MORC1: variants seen among roughly 807,000 people sequenced by gnomAD.
The protein encoded by MORC1 is MORC family CW-type zinc finger 1, also known as MORC family CW-type zinc finger protein 1.
In MORC1, 59 loss-of-function variants were observed where a neutral mutation model predicts 134.9. The observed-to-expected ratio is 0.44, with a 90% CI of 0.35 to 0.54. The LOEUF is 0.54. MORC1 is among the 20% of genes least tolerant of loss of function. The probability of loss-of-function intolerance (pLI) is 0.00; values close to 1 mark genes in which losing one functional copy is unlikely to be tolerated. For synonymous variants in MORC1, 395 were observed against 391.7 expected (o/e 1.01, Z -0.10); for missense variants, 947 against 1,134.5 (o/e 0.83, Z 2.37).
intron 8 of MORC1, among the ~76,000 whole-genome samples, chr3:109,070,405 T>C (rs1163699737): frequency 6.6e-6 from 1 of 152,192 alleles, no homozygotes; most frequent in African/African-American, 2.4e-5. Flanking sequence ...AAAACTACCC[T>C]TGTAAAGCTG....
chr3:109,043,888 T>C (rs1340870437), intron 14 of MORC1, among the ~76,000 whole-genome samples: 1 of 152,204 alleles, frequency 6.6e-6, no homozygotes, highest in Non-Finnish European at 1.5e-5. Flanking sequence ...TCTATCCACC[T>C]ATAAAAAGAG....
At chr3:109,022,965 T>C (rs989017689) in intron 17 of MORC1, among the ~76,000 whole-genome samples, 7 of 152,120 alleles carry the variant, frequency 4.6e-5, no homozygotes, top group Non-Finnish European at 1.0e-4. Flanking sequence ...AAGTAAAACA[T>C]GCTCTAAGAA....
At chr3:109,015,087 C>T (rs1948785700) in intron 17 of MORC1, among the ~76,000 whole-genome samples, 1 of 152,062 alleles carries the variant, frequency 6.6e-6, no homozygotes, top group South Asian at 2.1e-4. Flanking sequence ...GGGGTTTCAC[C>T]ATGTTAGCCA....
chr3:109,102,908 G>A (rs1045062729), intron 4 of MORC1, among the ~76,000 whole-genome samples: 5 of 152,090 alleles, frequency 3.3e-5, no homozygotes, highest in African/African-American at 1.2e-4. Flanking sequence ...AAATGACCTG[G>A]AAAAATCAAA....
chr3:109,027,858 G>A lies in MORC1; in HGVS notation c.1597C>T (p.Pro533Ser). 3 of 1,613,512 alleles carry A rather than the reference G, an allele frequency of 1.9e-6. No individual in the cohort carries two copies. Among genetic ancestry groups the A allele is most frequent in the Non-Finnish European group, 2.5e-6 (3 of 1,179,744 alleles). Reference sequence around the variant, plus strand: ...GATATTGTGCTCATGGTGCCCAGTGGGATGGAAGGTAGACATTCTACCTGA... The same window carrying A: ...GATATTGTGCTCATGGTGCCCAGTGAGATGGAAGGTAGACATTCTACCTGA... ...CHQVECLPSIPLGTMSTISPS... is the reference protein window; with the variant it reads ...CHQVECLPSISLGTMSTISPS... Residue 533 changes from proline (P) to serine (S), a missense_variant, in exon 17 of 28, where the codon CCA (proline) becomes TCA (serine). Physicochemically the swap from Pro to Ser is moderately conservative, Grantham distance 74 (BLOSUM62 -1). Transcript: ENST00000232603.
chr3:109,116,702 C>T (rs1031092279), intron 1 of MORC1, among the ~76,000 whole-genome samples: 1 of 152,266 alleles, frequency 6.6e-6, no homozygotes, highest in Admixed American at 6.5e-5. Flanking sequence ...ATCACTTGAG[C>T]CCTGGAGTTC....
At chr3:108,992,518 A>C (rs1948092371) in intron 21 of MORC1, among the ~76,000 whole-genome samples, 1 of 152,198 alleles carries the variant, frequency 6.6e-6, no homozygotes, top group Admixed American at 6.5e-5. Context: ...TGGACCCTAC[A>C]GCAGCCTTGG....
At chr3:108,976,719 T>C (rs534475532) in intron 24 of MORC1, among the ~76,000 whole-genome samples, 1 of 152,354 alleles carries the variant, frequency 6.6e-6, no homozygotes, top group South Asian at 2.1e-4. Context: ...TGGTACAGAA[T>C]AGAGCTGATA....
Position 108,970,777 on chromosome 3 carries a change from T to C in MORC1, c.2550+553A>G, listed in dbSNP as rs1445389702. Among the ~76,000 whole-genome samples the C allele has an allele frequency of 5.9e-5, 9 of 152,184 alleles. No individual in the cohort carries two copies. The East Asian group carries it at 9.6e-4, about 16-fold the overall frequency. On this transcript the variant is annotated intron_variant, in intron 25 of 27. Coordinates refer to ENST00000232603, the MANE Select transcript of MORC1 (RefSeq NM_014429.4). ...CTTCACCACAGCCCTGCGGGAGCCC[T>C]TTGTAGACTACTCACTGTTACTTAA...
intron 21 of MORC1, among the ~76,000 whole-genome samples, 195 bp downstream of exon 21, chr3:109,000,362 G>GT (rs1166944643): frequency 6.6e-6 from 1 of 152,146 alleles, no homozygotes; most frequent in African/African-American, 2.4e-5. Flanking sequence ...GTGGAGATGT[G>GT]TAAGTTCCAG....
At chr3:109,019,513 CCCCTATT>C (rs1948905309) in intron 17 of MORC1, among the ~76,000 whole-genome samples, 1 of 149,918 alleles carries the variant, frequency 6.7e-6, no homozygotes, top group Non-Finnish European at 1.5e-5. Flanking sequence ...TTCAGATCTA[CCCCTATT>C]CTTACATTGT....
chr3:108,987,806 G>A (rs1232604218), intron 21 of MORC1, among the ~76,000 whole-genome samples: 1 of 151,878 alleles, frequency 6.6e-6, no homozygotes, highest in Non-Finnish European at 1.5e-5. Flanking sequence ...TTATGCCTGC[G>A]GGGAAAGACA....
chr3:109,083,874 G>A (rs1045030677), intron 8 of MORC1, among the ~76,000 whole-genome samples: 24 of 152,024 alleles, frequency 1.6e-4, no homozygotes, highest in African/African-American at 3.4e-4. Flanking sequence ...ATAAATAAAC[G>A]TGAAACATCA....
intron 16 of MORC1, among the ~76,000 whole-genome samples, chr3:109,032,076 C>T (rs1315059142): frequency 6.6e-6 from 1 of 151,986 alleles, no homozygotes; most frequent in African/African-American, 2.4e-5. Flanking sequence ...GGAGTTATTA[C>T]CCTAATGTCT....
At chr3:108,979,126 G>A (rs948889570) in intron 24 of MORC1, among the ~76,000 whole-genome samples, 2 of 151,910 alleles carry the variant, frequency 1.3e-5, no homozygotes, top group Admixed American at 6.6e-5. Flanking sequence ...AACAAAACAA[G>A]TAAAACTCAA....
In MORC1 at chr3:108,958,342, T is replaced by C. The variant is rs957113708; in HGVS notation, c.*623A>G. 1.3e-5 allele frequency: 2 copies of C among 152,042 alleles called. No individual in the cohort carries two copies. The highest frequency in any genetic ancestry group is 4.8e-5 in the African/African-American group (2 of 41,448). The allele number at this position is 152,042 out of a possible 1,614,324, so 9.4% of individuals were successfully genotyped here. ...CAAGAAAAGTGTAAAAACATACTTCTTTACGTATATGTAAATGTAAAACAA... is the reference window on the plus strand; with the variant it reads ...CAAGAAAAGTGTAAAAACATACTTCCTTACGTATATGTAAATGTAAAACAA... On this transcript the variant is annotated 3_prime_UTR_variant, in exon 28 of 28. Transcript: ENST00000232603.
chr3:109,008,039 T>C (rs991754605), intron 17 of MORC1, among the ~76,000 whole-genome samples: 1 of 152,166 alleles, frequency 6.6e-6, no homozygotes, highest in African/African-American at 2.4e-5. Context: ...ATGGTCTGAA[T>C]TGTTGAATCG....
chr3:109,026,421 C>CGGTG (rs1259117912), intron 17 of MORC1, among the ~76,000 whole-genome samples: 1 of 152,128 alleles, frequency 6.6e-6, no homozygotes. Flanking sequence ...GCTATTCCAC[C>CGGTG]AGCTGCCATC....
At chr3:109,055,297 T>G (rs1462593371) in intron 13 of MORC1, among the ~76,000 whole-genome samples, 1 of 152,222 alleles carries the variant, frequency 6.6e-6, no homozygotes, top group Non-Finnish European at 1.5e-5. Flanking sequence ...TTTCTCCTCT[T>G]CATTGCAGAG....
Sources: allele counts gnomAD v4.1 joint callset (sites outside exome capture counted in the v4.1 genomes callset), GRCh38; gene constraint gnomAD v4.1.1; transcripts MANE v1.5; gene names NCBI Gene and HGNC (gene_info 2026-07-23, HGNC 2026-07-21).